The following RCN2 variants were observed in gnomAD, a reference collection of about 807,000 sequenced individuals.
RCN2 encodes the protein reticulocalbin-2.
In RCN2, 23 loss-of-function variants were observed where a neutral mutation model predicts 37.5. The observed-to-expected ratio is 0.61, with a 90% CI of 0.44 to 0.87. The LOEUF is 0.87. Among genes scored for constraint, RCN2 ranks in the 40% least tolerant of loss-of-function variants. The pLI, the probability that RCN2 is intolerant of heterozygous loss-of-function variation, is 0.00. For missense variants in RCN2, 381 were observed against 390.4 expected, an observed-to-expected ratio of 0.98 and a Z score of 0.20; for synonymous variants, 140 against 144.6, an observed-to-expected ratio of 0.97 and a Z score of 0.23.
chr15:76,938,191 T>C (rs900446849), intron 3 of RCN2, among the ~76,000 whole-genome samples: 2 of 152,262 alleles, frequency 1.3e-5, no homozygotes, highest in African/African-American at 4.8e-5. Context: ...AAGGCTCTTC[T>C]GTTTCTTAAC....
At chr15:76,938,171 GAAAAT>G (rs1371942286) in intron 3 of RCN2, among the ~76,000 whole-genome samples, 1 of 152,114 alleles carries the variant, frequency 6.6e-6, no homozygotes, top group Non-Finnish European at 1.5e-5. Flanking sequence ...AGGGTGCTTG[GAAAAT>G]ATTCAAGGCT....
chr15:76,943,925 AT>A (rs111558646), intron 4 of RCN2, 54 bp downstream of exon 4: 70,608 of 1,004,298 alleles, frequency 0.07, 3,182 homozygotes, highest in African/African-American at 0.17. Context: ...CTTTAAAAAA[AT>A]ATATTTAAAA....
Position 76,947,479 on chromosome 15 carries a change from G to T in RCN2, c.620G>T (p.Ser207Ile). 6.2e-7 allele frequency: 1 copy of T among 1,610,152 alleles called. No individual in the cohort carries two copies. The change falls in exon 5 of 7, where the codon AGT becomes ATT. Residue 207 changes from serine to isoleucine, a missense_variant. Coordinates refer to ENST00000394885, the MANE Select transcript of RCN2 (RefSeq NM_002902.3). ...EHDKNGDGFV[S>I]LEEFLGDYRW... The stretch of plus-strand genomic sequence containing the variant: ...GACAAAAATGGTGATGGATTTGTTA[G>T]TTTGGAAGAATTTCTTGGTGATTAC...
intron 6 of RCN2, 35 bp downstream of exon 6, chr15:76,948,587 C>T (rs574295114): frequency 6.8e-7 from 1 of 1,476,330 alleles, no homozygotes; most frequent in South Asian, 1.5e-5. Flanking sequence ...CTCTCCACCC[C>T]CTCCCCCCGA....
Position 76,950,843 on chromosome 15 carries a change from T to C in RCN2, c.*1621T>C, listed in dbSNP as rs1192828153. ...TATTTGAGAAGACATGAAACTCTTC[T>C]CTGATAGAATCGACTGCACCTATAT... On this transcript the variant is annotated 3_prime_UTR_variant, in exon 7 of 7. Coordinates refer to ENST00000394885, the MANE Select transcript of RCN2 (RefSeq NM_002902.3). 6.6e-6 allele frequency: 1 copy of C among 152,252 alleles called. No individual in the cohort carries two copies. Among genetic ancestry groups the C allele is most frequent in the Non-Finnish European group, 1.5e-5 (1 of 68,058 alleles). 9.4% of individuals were successfully genotyped at this position (152,252 alleles called of 1,614,324 possible).
chr15:76,936,924 A>G (rs181196584), intron 3 of RCN2, among the ~76,000 whole-genome samples: 83 of 152,284 alleles, frequency 5.5e-4, no homozygotes, highest in Non-Finnish European at 9.0e-4. Flanking sequence ...TCTACCCATT[A>G]AACAATAACT....
At position 76,948,534 on chromosome 15, in the gene RCN2, G is replaced by A. The variant is rs778161456; in HGVS notation, c.783G>A (p.Gln261=). ...TACCTTGGGTAGTACCTAATAATCAGGGCATTGCACAAGAGGAGGTAAGTG... is the reference window on the plus strand; with the variant it reads ...TACCTTGGGTAGTACCTAATAATCAAGGCATTGCACAAGAGGAGGTAAGTG... ...ELLPWVVPNN[Q]GIAQEEALHL... The change falls in exon 6 of 7, where the codon CAG becomes CAA. Residue 261 remains glutamine, a synonymous_variant. Coordinates refer to ENST00000394885, the MANE Select transcript of RCN2 (RefSeq NM_002902.3). The A allele has an allele frequency of 6.3e-7, 1 of 1,582,796 alleles. No individual in the cohort carries two copies. The highest frequency in any genetic ancestry group is 8.6e-7 in the Non-Finnish European group (1 of 1,161,996).
chr15:76,932,058 A>C, intron 1 of RCN2, 73 bp downstream of exon 1: 3 of 1,228,268 alleles, frequency 2.4e-6, no homozygotes, highest in Non-Finnish European at 3.1e-6. Context: ...TCCCGGGACA[A>C]AGGGGGGCGG....
intron 3 of RCN2, among the ~76,000 whole-genome samples, chr15:76,940,112 T>TA (rs2075270825): frequency 6.6e-6 from 1 of 152,010 alleles, no homozygotes; most frequent in African/African-American, 2.4e-5. Flanking sequence ...TTTGGTTATT[T>TA]TTTTTTTTGA....
intron 3 of RCN2, among the ~76,000 whole-genome samples, chr15:76,936,177 T>TA (rs550666333): frequency 2.6e-3 from 378 of 144,302 alleles, no homozygotes; most frequent in South Asian, 7.0e-3. Flanking sequence ...AAGTAAGTAT[T>TA]AAAAAAAAAA....
At chr15:76,935,321 T>C (rs2152649551) in intron 2 of RCN2, among the ~76,000 whole-genome samples, 1 of 152,106 alleles carries the variant, frequency 6.6e-6, no homozygotes, top group African/African-American at 2.4e-5. Context: ...CGAGACTCCA[T>C]CTCAAAAAAA....
rs1366890327 is a variant in RCN2, at chr15:76,935,406, G to A, written c.251-120G>A. The A allele has an allele frequency of 1.6e-5, 11 of 691,150 alleles. 1 individual carries two copies. The highest frequency in any genetic ancestry group is 2.5e-5 in the Non-Finnish European group (10 of 403,300). 42.8% of individuals were successfully genotyped at this position (691,150 alleles called of 1,614,324 possible). A position where few individuals can be genotyped will look rare whatever the true frequency, so the allele number is the denominator to read the frequency against. On this transcript the variant is annotated intron_variant, in intron 2 of 6. Coordinates refer to ENST00000394885, the MANE Select transcript of RCN2 (RefSeq NM_002902.3). ...ACCCCATTTCTATTAATACAACTAG[G>A]CCAATTCTCAGTATTTGCAAACATC... is the stretch of plus-strand genomic sequence containing the variant.
At chr15:76,934,122 A>T (rs1289877822) in intron 2 of RCN2, among the ~76,000 whole-genome samples, 1 of 152,044 alleles carries the variant, frequency 6.6e-6, no homozygotes, top group African/African-American at 2.4e-5. Context: ...AACGTAGTTT[A>T]GTAAATATTT....
rs1417513907 is a variant in RCN2, at chr15:76,935,571, T to G, written c.296T>G (p.Met99Arg). ...WIQMSFKHYA[M>R]QEAKQQFVEY... ...CAGATGTCTTTTAAGCATTATGCTATGCAAGAAGCAAAACAACAGTTTGTT... is the reference window on the plus strand; with the variant it reads ...CAGATGTCTTTTAAGCATTATGCTAGGCAAGAAGCAAAACAACAGTTTGTT... The change falls in exon 3 of 7, where the codon ATG (methionine) becomes AGG (arginine). Residue 99 changes from methionine to arginine, a missense_variant. Met to Arg is a moderately conservative substitution (Grantham distance 91). Transcript: ENST00000394885. 8.1e-6 allele frequency: 13 copies of G among 1,613,906 alleles called. No homozygotes were observed. Among genetic ancestry groups the G allele is most frequent in the Non-Finnish European group, 1.1e-5 (13 of 1,179,918 alleles).
intron 2 of RCN2, among the ~76,000 whole-genome samples, chr15:76,933,607 A>C (rs958472210): frequency 1.3e-5 from 2 of 152,254 alleles, no homozygotes; most frequent in African/African-American, 2.4e-5. Context: ...TTAAACTTAG[A>C]AAAGTTTTAG....
At chr15:76,944,005 T>G (rs1596005734) in intron 4 of RCN2, 134 bp downstream of exon 4, 1 of 449,002 alleles carries the variant, frequency 2.2e-6, no homozygotes, top group Non-Finnish European at 4.0e-6. Flanking sequence ...TTTTTTTTTT[T>G]TTTTTGAGAC....
intron 4 of RCN2, among the ~76,000 whole-genome samples, chr15:76,947,021 G>A (rs2075299104): frequency 6.6e-6 from 1 of 152,138 alleles, no homozygotes; most frequent in Non-Finnish European, 1.5e-5. Context: ...TTCATGGATT[G>A]GAGGGCAAAT....
rs62027278 is a variant in RCN2 at position 76,953,756 on chromosome 15, T to G, written c.*4534T>G. 3 of 52,002 alleles carry G rather than the reference T, an allele frequency of 5.8e-5. No individual in the cohort carries two copies. The East Asian group carries it at 1.6e-3, about 27-fold the overall frequency. The allele number at this position is 52,002 out of a possible 1,614,324, so 3.2% of individuals were successfully genotyped here. Reference sequence around the variant, plus strand: ...CCGAGTAGCTGGGACTATAGGCGCCTGCCACCGCACCCGGCTAATTTTTTG... The same window carrying G: ...CCGAGTAGCTGGGACTATAGGCGCCGGCCACCGCACCCGGCTAATTTTTTG... On this transcript the variant is annotated 3_prime_UTR_variant, in exon 7 of 7. Coordinates refer to ENST00000394885, the MANE Select transcript of RCN2 (RefSeq NM_002902.3).
chr15:76,935,449 A>G (rs947157896), intron 2 of RCN2, 77 bp from the exon 3 acceptor site: 1 of 1,203,106 alleles, frequency 8.3e-7, no homozygotes, highest in South Asian at 1.3e-5. Context: ...TTGCCTTTTC[A>G]GAGAAGGTTT....
Sources: gnomAD v4.1 joint callset for allele counts (sites outside exome capture counted in the v4.1 genomes callset) on GRCh38, gnomAD v4.1.1 for gene constraint, MANE v1.5 for transcripts, NCBI Gene and HGNC (gene_info 2026-07-23, HGNC 2026-07-21) for gene names.